Variants in CD46 observed in about 807,000 individuals in gnomAD.
The protein encoded by CD46 is membrane cofactor protein.
Under a neutral mutation model 53.3 loss-of-function variants are expected in CD46, and 30 were observed. The observed-to-expected ratio is 0.56, with a 90% CI of 0.42 to 0.76. The LOEUF (loss-of-function observed/expected upper bound fraction) is 0.76, where lower values mean the gene tolerates loss of function less well. CD46 is among the 30% of genes least tolerant of loss of function. The pLI is 0.00. For missense variants in CD46, 409 were observed against 463.0 expected (o/e 0.88, Z 1.07); for synonymous variants, 142 against 152.0 (o/e 0.93, Z 0.48).
rs35546891 is a variant in CD46, at chr1:207,782,640, C to CTTT, written c.944-628_944-626dup. Among the ~76,000 whole-genome samples, 222 of 62,652 alleles carry CTTT rather than the reference C, an allele frequency of 3.5e-3. 26 individuals are homozygous for CTTT. Among genetic ancestry groups the CTTT allele is most frequent in the African/African-American group, 0.014 (205 of 14,280 alleles). The allele number at this position is 62,652 out of a possible 152,430, so 41.1% of individuals were successfully genotyped here. ...AAAGCATTTATTTTTATTAATCCCTCTTTTTTTTTTTTTTTTTTTTTTTTT... is the reference window on the plus strand; with the variant it reads ...AAAGCATTTATTTTTATTAATCCCTCTTTTTTTTTTTTTTTTTTTTTTTTTTTT... On this transcript the variant is annotated intron_variant, in intron 8 of 12. Transcript: ENST00000367042.
At position 207,754,750 on chromosome 1, in the gene CD46, G is replaced by A. The variant is rs140771202; in HGVS notation, c.98-2264G>A. Among the ~76,000 whole-genome samples, 303 of 152,176 alleles carry A rather than the reference G, an allele frequency of 2.0e-3. 4 individuals carry two copies. In the East Asian group the frequency reaches 0.036, roughly 18 times the overall value. The stretch of plus-strand genomic sequence containing the variant: ...GTCTCCCCTATTTGTTGACTCTGCA[G>A]GGCTTCCAGTACTTCAGTCTTGCAT... On this transcript the variant is annotated intron_variant, in intron 1 of 12. Transcript: ENST00000367042.
At chr1:207,790,655 T>G (rs1659715143) in intron 12 of CD46, among the ~76,000 whole-genome samples, 1 of 152,214 alleles carries the variant, frequency 6.6e-6, no homozygotes, top group Non-Finnish European at 1.5e-5. Flanking sequence ...GTGAGCCAAC[T>G]GGGAAATAAC....
intron 4 of CD46, chr1:207,760,362 A>G (rs1268347013): frequency 6.6e-6 from 1 of 152,362 alleles, no homozygotes; most frequent in Admixed American, 6.5e-5. Context: ...TTATCACACA[A>G]TATGTAGCCT....
rs749104013 is a variant in CD46, at chr1:207,767,590, A to G, written c.857-189A>G. Reference sequence around the variant, plus strand: ...ACTCCCAAGTGGTTGATCTTCTAACATTATTTTGTTTCCTAGTGCTGCCTC... The same window carrying G: ...ACTCCCAAGTGGTTGATCTTCTAACGTTATTTTGTTTCCTAGTGCTGCCTC... On this transcript the variant is annotated intron_variant, in intron 6 of 12. Transcript: ENST00000367042. 1.1e-5 allele frequency: 17 copies of G among 1,604,822 alleles called. No individual in the cohort carries two copies. The highest frequency in any genetic ancestry group is 6.7e-5 in the Admixed American group (4 of 60,000).
chr1:207,760,172 C>T (rs993178747), intron 4 of CD46: 2 of 156,922 alleles, frequency 1.3e-5, no homozygotes, highest in African/African-American at 4.8e-5. Context: ...GCCACCCCAC[C>T]TGGCCTGATT....
chr1:207,779,153 G>A (rs1004315558), intron 8 of CD46, among the ~76,000 whole-genome samples: 1 of 152,142 alleles, frequency 6.6e-6, no homozygotes, highest in South Asian at 2.1e-4. Flanking sequence ...CAACTTTGGT[G>A]AAGTTGTTTA....
At chr1:207,788,150 G>A (rs906136733) in intron 11 of CD46, among the ~76,000 whole-genome samples, 3 of 152,038 alleles carry the variant, frequency 2.0e-5, no homozygotes, top group Non-Finnish European at 4.4e-5. Context: ...CCTCATCCAT[G>A]TGTATCCTTA....
rs1437554634 is a variant in CD46, at chr1:207,752,055, C to T, written c.-158C>T. ...ACTCGACGCACTTCCGCCCCGGGCG[C>T]GGCTCGGGCCACGCCCACCTGTCCT... On this transcript the variant is annotated 5_prime_UTR_variant, in exon 1 of 13. Transcript: ENST00000367042. The surrounding 1 kb of genome is among the most constrained non-coding windows in gnomAD (Gnocchi z 4.1). 2 of 780,972 alleles carry T rather than the reference C, an allele frequency of 2.6e-6. No homozygotes were observed. The highest frequency in any genetic ancestry group is 1.9e-5 in the Admixed American group (1 of 53,916). The allele number at this position is 780,972 out of a possible 1,614,324, so 48.4% of individuals were successfully genotyped here. A position where few individuals can be genotyped will look rare whatever the true frequency, so the allele number is the denominator to read the frequency against.
At chr1:207,759,477 T>G (rs1190453537) in intron 3 of CD46, among the ~76,000 whole-genome samples, 162 bp from the exon 4 acceptor site, 1 of 152,254 alleles carries the variant, frequency 6.6e-6, no homozygotes, top group South Asian at 2.1e-4. Flanking sequence ...TTGATTAAAT[T>G]GCAGATTTAT....
chr1:207,764,469 C>T (rs1008744751), intron 5 of CD46, among the ~76,000 whole-genome samples: 1 of 152,182 alleles, frequency 6.6e-6, no homozygotes, highest in Admixed American at 6.5e-5. Context: ...CTCACGTCCA[C>T]CCCGTATGTG....
intron 4 of CD46, 51 bp from the exon 5 acceptor site, chr1:207,761,198 A>G: frequency 8.4e-7 from 1 of 1,189,626 alleles, no homozygotes; most frequent in Non-Finnish European, 1.2e-6. Context: ...AATTTTACTA[A>G]TGCTGTCTTA....
At position 207,767,843 on chromosome 1, in the gene CD46, A is replaced by T. The variant is rs775588546; in HGVS notation, c.901+20A>T. The T allele has an allele frequency of 1.3e-6, 2 of 1,579,472 alleles. No individual in the cohort carries two copies. The highest frequency in any genetic ancestry group is 1.1e-5 in the South Asian group (1 of 89,884). On this transcript the variant is annotated intron_variant, in intron 7 of 12. Transcript: ENST00000367042. Reference sequence around the variant, plus strand: ...CCTCAGGTTTAGTAATTTCCTGCTTATAGTTTTTCAAAAATCCTTTAAATT... The same window carrying T: ...CCTCAGGTTTAGTAATTTCCTGCTTTTAGTTTTTCAAAAATCCTTTAAATT...
At chr1:207,767,331 G>A (rs530080403) in intron 6 of CD46, 136 bp downstream of exon 6, 5 of 821,864 alleles carry the variant, frequency 6.1e-6, no homozygotes, top group African/African-American at 3.4e-5. Flanking sequence ...ACTCTGTCTT[G>A]TATTCATTTC....
At chr1:207,757,409 G>C in intron 2 of CD46, 131 bp from the exon 3 acceptor site, 1 of 782,638 alleles carries the variant, frequency 1.3e-6, no homozygotes, top group Non-Finnish European at 2.2e-6. Context: ...TGAATCTTAA[G>C]TTTGCCCTTA....
chr1:207,785,770 A>G, intron 11 of CD46, 88 bp downstream of exon 11: 1 of 774,254 alleles, frequency 1.3e-6, no homozygotes, highest in Non-Finnish European at 2.1e-6. Flanking sequence ...TCTGTATTGC[A>G]TGCTATCTTT....
intron 5 of CD46, chr1:207,762,823 T>A (rs1242702501): frequency 6.6e-6 from 1 of 152,536 alleles, no homozygotes; most frequent in Non-Finnish European, 1.5e-5. Context: ...TCTGCAGAGA[T>A]CCTGTGCCTG....
chr1:207,775,682 C>A (rs1012377991), intron 8 of CD46, among the ~76,000 whole-genome samples: 1 of 152,176 alleles, frequency 6.6e-6, no homozygotes, highest in African/African-American at 2.4e-5. Flanking sequence ...TTGAGTATCA[C>A]CAGCAGAGGC....
intron 9 of CD46, chr1:207,783,713 T>A (rs1195030371): frequency 6.4e-6 from 1 of 155,996 alleles, no homozygotes; most frequent in Non-Finnish European, 1.4e-5. Context: ...AAATAAAGAT[T>A]TCTTAATAAG....
Position 207,752,734 on chromosome 1 carries a change from G to A in CD46, c.97+425G>A, listed in dbSNP as rs554463480. 5.3e-5 allele frequency among the ~76,000 whole-genome samples: 8 copies of A among 152,262 alleles called. No individual in the cohort carries two copies. The South Asian group carries it at 1.7e-3, about 32-fold the overall frequency. On this transcript the variant is annotated intron_variant, in intron 1 of 12. Transcript: ENST00000367042. The surrounding 1 kb of genome is among the most constrained non-coding windows in gnomAD (Gnocchi z 4.1). ...TTCCCTTGGTGCCTTGGTGAGTGGG[G>A]TGTTCATTAGGGCTTGGACAGTACC...
Sources: gnomAD v4.1 joint callset for allele counts (sites outside exome capture counted in the v4.1 genomes callset) on GRCh38, gnomAD v4.1.1 for gene constraint, Gnocchi (gnomAD v3.1) non-coding constraint, MANE v1.5 for transcripts, NCBI Gene and HGNC (gene_info 2026-07-23, HGNC 2026-07-21) for gene names.